Variants in ASCC3 observed in about 807,000 individuals in gnomAD.
ASCC3 encodes activating signal cointegrator 1 complex subunit 3, also known as ASC-1 complex subunit P200.
ASCC3 carries 158 observed loss-of-function variants against 256.3 expected under a neutral mutation model. The observed-to-expected ratio is 0.62, with a 90% CI of 0.54 to 0.70. The LOEUF (loss-of-function observed/expected upper bound fraction) is 0.70. ASCC3 is among the 30% of genes least tolerant of loss of function. The pLI is 0.00. For missense variants in ASCC3, 2,259 were observed against 2,626.0 expected, an observed-to-expected ratio of 0.86 and a Z score of 3.05; for synonymous variants, 948 against 883.4, an observed-to-expected ratio of 1.07 and a Z score of -1.30.
At chr6:100,785,540 T>A (rs1360784514) in intron 8 of ASCC3, among the ~76,000 whole-genome samples, 3 of 152,120 alleles carry the variant, frequency 2.0e-5, no homozygotes, top group Non-Finnish European at 2.9e-5. Flanking sequence ...TACCTAGGAC[T>A]ACAGGCATGC....
intron 34 of ASCC3, among the ~76,000 whole-genome samples, chr6:100,594,024 G>C (rs1438745993): frequency 1.3e-5 from 2 of 151,854 alleles, no homozygotes; most frequent in African/African-American, 4.8e-5. Context: ...TACACACACA[G>C]ACACACACAA....
At chr6:100,754,571 C>T (rs9498297) in intron 10 of ASCC3, among the ~76,000 whole-genome samples, 2,945 of 152,240 alleles carry the variant, frequency 0.019, 87 homozygotes, top group African/African-American at 0.068. Flanking sequence ...TCATTGTACC[C>T]TTTAACATCG....
intron 34 of ASCC3, among the ~76,000 whole-genome samples, chr6:100,599,555 A>G (rs1173741974): frequency 6.6e-6 from 1 of 152,086 alleles, no homozygotes; most frequent in Non-Finnish European, 1.5e-5. Context: ...CCTGATTTTG[A>G]TAATTAGACA....
At chr6:100,650,837 T>C (rs2114910705) in intron 19 of ASCC3, 123 bp from the exon 20 acceptor site, 1 of 795,898 alleles carries the variant, frequency 1.3e-6, no homozygotes, top group Non-Finnish European at 2.0e-6. Context: ...CATTTTTCTT[T>C]CATAGAGTTA....
At chr6:100,619,443 C>A (rs938893634) in intron 30 of ASCC3, among the ~76,000 whole-genome samples, 1 of 152,260 alleles carries the variant, frequency 6.6e-6, no homozygotes, top group South Asian at 2.1e-4. Context: ...ATAAATCTGA[C>A]ACTACTGTAT....
At chr6:100,520,822 TG>T (rs1774266079) in intron 37 of ASCC3, among the ~76,000 whole-genome samples, 1 of 152,172 alleles carries the variant, frequency 6.6e-6, no homozygotes, top group Non-Finnish European at 1.5e-5. Context: ...TGTTCACACA[TG>T]AAGAAATTGC....
chr6:100,580,821 G>C (rs1017490642), intron 36 of ASCC3, among the ~76,000 whole-genome samples: 6 of 146,396 alleles, frequency 4.1e-5, no homozygotes, highest in African/African-American at 1.0e-4. Flanking sequence ...CTATGAGTGA[G>C]AATATGCGGT....
At chr6:100,516,369 C>T in intron 38 of ASCC3, 42 bp from the exon 39 acceptor site, 1 of 1,610,934 alleles carries the variant, frequency 6.2e-7, no homozygotes, top group Non-Finnish European at 8.5e-7. Flanking sequence ...TGTTTCACAG[C>T]ACAAAGAAGA....
chr6:100,823,485 T>C (rs997845166), intron 4 of ASCC3, among the ~76,000 whole-genome samples: 6 of 152,126 alleles, frequency 3.9e-5, no homozygotes, highest in African/African-American at 1.4e-4. Flanking sequence ...GGCAATAAAC[T>C]AAAGATATGA....
chr6:100,813,316 G>A (rs62422073), intron 4 of ASCC3, among the ~76,000 whole-genome samples: 13,834 of 151,982 alleles, frequency 0.091, 891 homozygotes, highest in Middle Eastern at 0.16. Context: ...AATTTAGCTG[G>A]GCTTGGTGGC....
chr6:100,795,702 CA>C (rs1769577240), intron 8 of ASCC3, among the ~76,000 whole-genome samples: 1 of 152,072 alleles, frequency 6.6e-6, no homozygotes, highest in Admixed American at 6.6e-5. Flanking sequence ...AGTTTTTAAT[CA>C]AATTACAGAA....
chr6:100,700,216 C>T (rs1473042337), intron 13 of ASCC3, among the ~76,000 whole-genome samples: 1 of 152,114 alleles, frequency 6.6e-6, no homozygotes, highest in East Asian at 1.9e-4. Flanking sequence ...AGCCTAGGGA[C>T]TTGGTGCCTT....
intron 37 of ASCC3, among the ~76,000 whole-genome samples, chr6:100,520,759 C>T (rs572508367): frequency 1.3e-5 from 2 of 152,258 alleles, no homozygotes; most frequent in South Asian, 2.1e-4. Flanking sequence ...AGGCTCATAG[C>T]CTAGATGTGT....
At position 100,661,943 on chromosome 6, in the gene ASCC3, G is replaced by A. The variant is rs999716897; in HGVS notation, c.2566C>T (p.Pro856Ser). Residue 856 changes from proline to serine, a missense_variant, in exon 16 of 42, where the codon CCA becomes TCA. This residue lies in a region of ASCC3 where 1,839 missense variants were observed against 2,206.7 expected (regional missense o/e 0.83). Coordinates refer to ENST00000369162, the MANE Select transcript of ASCC3 (RefSeq NM_006828.4). Reference protein sequence around the residue: ...VMQIFGRAGRPQFDKFGEGII... With the variant: ...VMQIFGRAGRSQFDKFGEGII... ...CCTTCCCCAAATTTGTCAAATTGTG[G>A]TCGTCCAGCTCGACCAAATATCTGC... 2 of 1,613,172 alleles carry A rather than the reference G, an allele frequency of 1.2e-6. No individual in the cohort carries two copies. The highest frequency in any genetic ancestry group is 2.7e-5 in the African/African-American group (2 of 74,826).
chr6:100,531,217 C>T (rs1774857411), intron 37 of ASCC3, among the ~76,000 whole-genome samples: 2 of 152,140 alleles, frequency 1.3e-5, no homozygotes, highest in South Asian at 4.1e-4. Flanking sequence ...GTATTTCATT[C>T]TTCTAATGGT....
chr6:100,606,604 T>C lies in ASCC3; in HGVS notation c.5044+136A>G, dbSNP rs1256265973. ...ATTTTAACTGAAAACAAAAAGTCTA[T>C]AATTGCTTATCATCTGTTTAAATGT... On this transcript the variant is annotated intron_variant, in intron 32 of 41. Transcript: ENST00000369162. The C allele has an allele frequency of 4.1e-6, 4 of 975,584 alleles. No homozygotes were observed. The African/African-American group carries it at 4.9e-5, about 12-fold the overall frequency. 60.4% of individuals were successfully genotyped at this position (975,584 alleles called of 1,614,324 possible). A position where few individuals can be genotyped will look rare whatever the true frequency, so the allele number is the denominator to read the frequency against.
Position 100,516,148 on chromosome 6 carries a change from G to A in ASCC3, c.6075+32C>T, listed in dbSNP as rs184968853. Reference sequence around the variant, plus strand: ...CTTGGTACACCTTCTCAGAGTAGGGGAGCCTTCAAAACACTTAAGAGATGG... The same window carrying A: ...CTTGGTACACCTTCTCAGAGTAGGGAAGCCTTCAAAACACTTAAGAGATGG... On this transcript the variant is annotated intron_variant, in intron 39 of 41. Transcript: ENST00000369162. 12,017 of 1,612,908 alleles carry A rather than the reference G, an allele frequency of 7.5e-3. 96 individuals carry two copies. Among genetic ancestry groups the A allele is most frequent in the Non-Finnish European group, 7.5e-3 (8,893 of 1,179,154 alleles).
chr6:100,619,565 A>G (rs1230928573), intron 30 of ASCC3, among the ~76,000 whole-genome samples: 1 of 152,168 alleles, frequency 6.6e-6, no homozygotes, highest in East Asian at 1.9e-4. Context: ...CTGGATAAAG[A>G]GTCTTGATTA....
At chr6:100,523,040 G>A (rs77968272) in intron 37 of ASCC3, among the ~76,000 whole-genome samples, 55 of 149,250 alleles carry the variant, frequency 3.7e-4, no homozygotes, top group African/African-American at 1.3e-3. Context: ...TTCCTGACAA[G>A]ACAGAATGTA....
Sources: gnomAD v4.1 joint callset for allele counts (sites outside exome capture counted in the v4.1 genomes callset) on GRCh38, gnomAD v4.1.1 for gene constraint, gnomAD v4.1.1 regional missense constraint, MANE v1.5 for transcripts, NCBI Gene and HGNC (gene_info 2026-07-23, HGNC 2026-07-21) for gene names.